MAML2: variants seen among roughly 807,000 people sequenced by gnomAD.
MAML2 encodes the protein mastermind like transcriptional coactivator 2, also known as mastermind-like protein 2.
MAML2 carries 22 observed loss-of-function variants against 96.1 expected under a neutral mutation model. That is an observed-to-expected ratio of 0.23 (90% CI 0.16 to 0.33). MAML2 has a LOEUF of 0.33. MAML2 is among the 10% of genes least tolerant of loss of function. MAML2 has a pLI of 1.00. For synonymous variants in MAML2, 561 were observed against 521.3 expected (o/e 1.08, Z -1.04); for missense variants, 1,367 against 1,392.4 (o/e 0.98, Z 0.29).
intron 1 of MAML2, among the ~76,000 whole-genome samples, chr11:96,204,406 GA>G (rs1294159692): frequency 3.3e-5 from 5 of 152,220 alleles, no homozygotes; most frequent in African/African-American, 1.2e-4. Flanking sequence ...AATGTGCATT[GA>G]TTCAGGCAAG....
Position 96,227,414 on chromosome 11 carries a change from C to A in MAML2, c.513+113969G>T, listed in dbSNP as rs189223052. On this transcript the variant is annotated intron_variant, in intron 1 of 4. Transcript: ENST00000524717. Reference sequence around the variant, plus strand: ...TCACAGCTATACTGTAAGTTTCATGCCAAGAATGCAGGGAGTGGTTCTCTC... The same window carrying A: ...TCACAGCTATACTGTAAGTTTCATGACAAGAATGCAGGGAGTGGTTCTCTC... Among the ~76,000 whole-genome samples the A allele has an allele frequency of 2.0e-3, 312 of 152,234 alleles. 1 individual carries two copies. The highest frequency in any genetic ancestry group is 2.5e-3 in the Non-Finnish European group (172 of 68,024).
intron 1 of MAML2, among the ~76,000 whole-genome samples, chr11:96,335,230 T>C (rs1356568941): frequency 1.3e-5 from 2 of 152,238 alleles, no homozygotes; most frequent in Non-Finnish European, 2.9e-5. Context: ...TAAGTACATC[T>C]CAAAGACCAT....
chr11:96,237,621 A>G (rs1490525537), intron 1 of MAML2, among the ~76,000 whole-genome samples: 1 of 152,252 alleles, frequency 6.6e-6, no homozygotes. Context: ...CAGCTTTCAC[A>G]TTGCTTGAAA....
chr11:96,234,820 T>C (rs1217946818), intron 1 of MAML2, among the ~76,000 whole-genome samples: 2 of 152,254 alleles, frequency 1.3e-5, no homozygotes, highest in Non-Finnish European at 2.9e-5. Context: ...AACTCTGGAA[T>C]TGTGTTTCTG....
chr11:96,021,394 C>T (rs149254022), intron 2 of MAML2, among the ~76,000 whole-genome samples: 115 of 152,272 alleles, frequency 7.6e-4, no homozygotes, highest in African/African-American at 2.6e-3. Context: ...GGGGAGGATA[C>T]GAATCCATCA....
intron 1 of MAML2, among the ~76,000 whole-genome samples, chr11:96,194,261 C>T (rs1461430452): frequency 2.0e-5 from 3 of 152,160 alleles, no homozygotes; most frequent in Admixed American, 6.5e-5. Context: ...CTAGACAGGT[C>T]GGGCTATTCA....
At chr11:96,221,530 A>T (rs1862137360) in intron 1 of MAML2, among the ~76,000 whole-genome samples, 1 of 152,170 alleles carries the variant, frequency 6.6e-6, no homozygotes. Flanking sequence ...CTCTGGGGAA[A>T]GCAGGAAATA....
In MAML2 at chr11:95,976,970, A is replaced by G. The variant is rs1857660487; in HGVS notation, c.*1978T>C. On this transcript the variant is annotated 3_prime_UTR_variant, in exon 5 of 5. Coordinates refer to ENST00000524717, the MANE Select transcript of MAML2 (RefSeq NM_032427.4). Reference sequence around the variant, plus strand: ...AAGAATCAAATAAGACACAAGAACTATGGGTTTAAAAAAGAATTTGGGAGC... The same window carrying G: ...AAGAATCAAATAAGACACAAGAACTGTGGGTTTAAAAAAGAATTTGGGAGC... The G allele has an allele frequency of 5.0e-6, 1 of 199,476 alleles. No individual in the cohort carries two copies. 12.4% of individuals were successfully genotyped at this position (199,476 alleles called of 1,614,324 possible). A position where few individuals can be genotyped will look rare whatever the true frequency, so the allele number is the denominator to read the frequency against.
At chr11:96,288,435 G>A (rs543375353) in intron 1 of MAML2, among the ~76,000 whole-genome samples, 393 of 152,038 alleles carry the variant, frequency 2.6e-3, no homozygotes, top group Middle Eastern at 0.017. Context: ...TCAGCTACTC[G>A]GGAGGCCGAG....
chr11:96,029,163 G>C (rs1383845804), intron 2 of MAML2, among the ~76,000 whole-genome samples: 1 of 88,438 alleles, frequency 1.1e-5, no homozygotes, highest in Non-Finnish European at 2.3e-5. Flanking sequence ...AGAGTGAAAC[G>C]GTTTTTTTTT....
At chr11:96,188,052 A>C (rs1861598856) in intron 1 of MAML2, among the ~76,000 whole-genome samples, 1 of 152,226 alleles carries the variant, frequency 6.6e-6, no homozygotes, top group Admixed American at 6.5e-5. Flanking sequence ...ATGAAATCTC[A>C]GTAACCAGAA....
intron 1 of MAML2, among the ~76,000 whole-genome samples, chr11:96,267,019 A>G (rs1351264844): frequency 6.6e-6 from 1 of 152,244 alleles, no homozygotes; most frequent in Non-Finnish European, 1.5e-5. Flanking sequence ...ATGAAAGGCC[A>G]TGTAGCCTGC....
At chr11:96,208,141 T>G (rs1039804647) in intron 1 of MAML2, among the ~76,000 whole-genome samples, 1 of 152,252 alleles carries the variant, frequency 6.6e-6, no homozygotes, top group Non-Finnish European at 1.5e-5. Context: ...ATTTTTCATC[T>G]ACTGTATTCT....
intron 1 of MAML2, among the ~76,000 whole-genome samples, chr11:96,295,744 G>T (rs1323015972): frequency 7.3e-6 from 1 of 136,992 alleles, no homozygotes; most frequent in Non-Finnish European, 1.5e-5. Context: ...GAACATACAT[G>T]TACCATAGTA....
chr11:95,995,763 T>C (rs656014), intron 2 of MAML2, among the ~76,000 whole-genome samples: 152,007 of 152,264 alleles, frequency 1, 75,875 homozygotes, highest in Middle Eastern at 1. Context: ...GCCTCTACTA[T>C]TCCTTACTTT....
chr11:96,044,594 A>G (rs1858866730), intron 2 of MAML2, among the ~76,000 whole-genome samples: 1 of 152,196 alleles, frequency 6.6e-6, no homozygotes, highest in Non-Finnish European at 1.5e-5. Context: ...TTTGGAATGA[A>G]TGCATGAGGC....
At chr11:96,202,177 CAAAA>C (rs35124521) in intron 1 of MAML2, among the ~76,000 whole-genome samples, 2 of 75,874 alleles carry the variant, frequency 2.6e-5, no homozygotes, top group Non-Finnish European at 4.8e-5. Context: ...ACTAAAAATA[CAAAA>C]AAAAAAAAAA....
chr11:96,236,421 C>T (rs1228867062), intron 1 of MAML2, among the ~76,000 whole-genome samples: 1 of 13,988 alleles, frequency 7.1e-5, no homozygotes, highest in Non-Finnish European at 1.4e-4. Flanking sequence ...TATTTTAAAA[C>T]CCGAAAGTCT....
chr11:96,152,384 T>A (rs1353546798), intron 1 of MAML2, among the ~76,000 whole-genome samples: 3 of 146,452 alleles, frequency 2.0e-5, no homozygotes, highest in African/African-American at 7.4e-5. Context: ...ATTAAAAATA[T>A]AATCGACAGA....
Sources: allele counts gnomAD v4.1 joint callset (sites outside exome capture counted in the v4.1 genomes callset), GRCh38; gene constraint gnomAD v4.1.1; transcripts MANE v1.5; gene names NCBI Gene and HGNC (gene_info 2026-07-23, HGNC 2026-07-21).